CENPC: variants seen among roughly 807,000 people sequenced by gnomAD.
CENPC encodes the protein CENP-C 1.
In CENPC, 63 loss-of-function variants were observed where a neutral mutation model predicts 112.1. The ratio of observed to expected loss-of-function variants is 0.56; its 90% CI spans 0.46 to 0.69. The LOEUF (loss-of-function observed/expected upper bound fraction) is 0.69, where lower values mean the gene tolerates loss of function less well. CENPC is among the 30% of genes least tolerant of loss of function. The pLI is 0.00. For synonymous variants in CENPC, 333 were observed against 367.6 expected (o/e 0.91, Z 1.08); for missense variants, 1,000 against 1,103.8 (o/e 0.91, Z 1.33).
chr4:67,525,258 T>C (rs1424604884), intron 5 of CENPC, among the ~76,000 whole-genome samples: 1 of 152,160 alleles, frequency 6.6e-6, no homozygotes, highest in East Asian at 1.9e-4. Flanking sequence ...ATTCAGGACA[T>C]AAGCATGGGC....
chr4:67,518,781 C>T (rs1726133470), intron 6 of CENPC, among the ~76,000 whole-genome samples: 1 of 152,074 alleles, frequency 6.6e-6, no homozygotes, highest in Non-Finnish European at 1.5e-5. Flanking sequence ...TGCAAAAGAC[C>T]TTGAATCCAC....
intron 17 of CENPC, among the ~76,000 whole-genome samples, chr4:67,478,060 C>T (rs190255495): frequency 1.1e-4 from 16 of 151,312 alleles, no homozygotes; most frequent in Admixed American, 7.2e-4. Context: ...TTATGTTAAA[C>T]GACCACACAT....
chr4:67,489,433 A>G (rs1725180093), intron 17 of CENPC, among the ~76,000 whole-genome samples: 1 of 151,970 alleles, frequency 6.6e-6, no homozygotes, highest in Non-Finnish European at 1.5e-5. Context: ...GTCTATGTCT[A>G]AATAGTTAAG....
At chr4:67,499,881 T>C (rs1725544883) in intron 12 of CENPC, among the ~76,000 whole-genome samples, 1 of 152,114 alleles carries the variant, frequency 6.6e-6, no homozygotes, top group South Asian at 2.1e-4. Flanking sequence ...TTAGAAGCCA[T>C]CGTAGGGTTA....
intron 4 of CENPC, among the ~76,000 whole-genome samples, chr4:67,534,451 T>A (rs1439521303): frequency 6.6e-6 from 1 of 152,094 alleles, no homozygotes; most frequent in Non-Finnish European, 1.5e-5. Flanking sequence ...CCCAAACCTA[T>A]CAGAAGATTA....
chr4:67,492,140 T>C (rs760341683), intron 16 of CENPC, 40 bp downstream of exon 16: 2 of 1,284,546 alleles, frequency 1.6e-6, no homozygotes, highest in South Asian at 1.3e-5. Flanking sequence ...TTCTTACAAA[T>C]TGTTTAATTA....
chr4:67,530,314 T>A (rs146099401), intron 5 of CENPC, among the ~76,000 whole-genome samples: 1 of 152,072 alleles, frequency 6.6e-6, no homozygotes, highest in African/African-American at 2.4e-5. Flanking sequence ...GAACGTAGAA[T>A]AGTAAATAGA....
intron 5 of CENPC, among the ~76,000 whole-genome samples, chr4:67,523,928 T>G (rs1220092612): frequency 1.3e-5 from 2 of 151,964 alleles, no homozygotes; most frequent in Non-Finnish European, 2.9e-5. Context: ...AGTAAGAGCT[T>G]CTATTAGCCA....
chr4:67,538,545 T>C (rs762419590), intron 4 of CENPC, among the ~76,000 whole-genome samples: 34 of 152,102 alleles, frequency 2.2e-4, no homozygotes, highest in Non-Finnish European at 4.4e-4. Context: ...ACAGGGGAAA[T>C]CCTCAGTTGA....
chr4:67,535,393 G>A (rs879899063), intron 4 of CENPC, among the ~76,000 whole-genome samples: 2 of 151,710 alleles, frequency 1.3e-5, no homozygotes, highest in Non-Finnish European at 2.9e-5. Context: ...GTGATACAGA[G>A]AGAGTACATG....
chr4:67,540,796 A>T (rs1205018490), intron 3 of CENPC, among the ~76,000 whole-genome samples, 184 bp downstream of exon 3: 7 of 152,220 alleles, frequency 4.6e-5, no homozygotes, highest in Non-Finnish European at 1.0e-4. Flanking sequence ...ATTTTTTGTC[A>T]GTATTATCCT....
chr4:67,521,020 A>G (rs1726211875), intron 5 of CENPC, among the ~76,000 whole-genome samples: 1 of 116,128 alleles, frequency 8.6e-6, no homozygotes, highest in Non-Finnish European at 1.8e-5. Flanking sequence ...TCAAAAAATA[A>G]ACAAATAAAT....
At chr4:67,499,835 G>C (rs918387167) in intron 12 of CENPC, among the ~76,000 whole-genome samples, 2 of 152,112 alleles carry the variant, frequency 1.3e-5, no homozygotes, top group Non-Finnish European at 2.9e-5. Flanking sequence ...TTGATTTAAA[G>C]TGAAAAATGT....
Position 67,472,586 on chromosome 4 carries a change from T to C in CENPC, c.*19A>G, listed in dbSNP as rs777049477. The C allele has an allele frequency of 7.5e-6, 11 of 1,474,620 alleles. No homozygotes were observed. In the South Asian group the frequency reaches 1.6e-4, roughly 22 times the overall value. The allele number at this position is 1,474,620 out of a possible 1,614,324, so 91.3% of individuals were successfully genotyped here. ...ACATATACATATATACATACATATA[T>C]TTAAGGTTGGTTGATCTTTCATCTT... On this transcript the variant is annotated 3_prime_UTR_variant, in exon 19 of 19. Transcript: ENST00000273853.
intron 2 of CENPC, among the ~76,000 whole-genome samples, chr4:67,542,131 G>GC (rs1428711039): frequency 6.6e-6 from 1 of 152,174 alleles, no homozygotes; most frequent in East Asian, 1.9e-4. Context: ...AAATTGACAT[G>GC]CATCTCTAAC....
intron 9 of CENPC, 118 bp from the exon 10 acceptor site, chr4:67,509,223 C>T (rs1054312977): frequency 1.5e-4 from 82 of 551,090 alleles, no homozygotes; most frequent in Non-Finnish European, 2.5e-4. Context: ...CACACACACA[C>T]ACACACACAC....
At chr4:67,507,875 G>C (rs751010656) in intron 10 of CENPC, among the ~76,000 whole-genome samples, 8 of 152,118 alleles carry the variant, frequency 5.3e-5, no homozygotes, top group African/African-American at 1.9e-4. Flanking sequence ...GAAAAGCAGA[G>C]AATGGCCTGA....
At position 67,470,018 on chromosome 4, in the gene CENPC, A is replaced by G. The variant is rs369164986; in HGVS notation, c.*2587T>C. 1.5e-4 allele frequency: 23 copies of G among 152,238 alleles called. No homozygotes were observed. The highest frequency in any genetic ancestry group is 1.3e-3 in the East Asian group (7 of 5,194). 9.4% of individuals were successfully genotyped at this position (152,238 alleles called of 1,614,324 possible). A position where few individuals can be genotyped will look rare whatever the true frequency, so the allele number is the denominator to read the frequency against. On this transcript the variant is annotated 3_prime_UTR_variant, in exon 19 of 19. Coordinates refer to ENST00000273853, the MANE Select transcript of CENPC (RefSeq NM_001812.4). ...CTACTAAGCACTTGAAATGTGGCAA[A>G]TGCAAGTAAGAAACAATATTTTAAA...
chr4:67,489,919 C>CA lies in CENPC; in HGVS notation c.2670+47dup. 3 of 1,397,182 alleles carry CA rather than the reference C, an allele frequency of 2.1e-6. No homozygotes were observed. In the South Asian group the frequency reaches 4.7e-5, roughly 22 times the overall value. The allele number at this position is 1,397,182 out of a possible 1,614,324, so 86.5% of individuals were successfully genotyped here. Reference sequence around the variant, plus strand: ...TAATGTCTCATCAAATCCAATAAATCAGAGTTCTACCAAGAGTGAAACATA... The same window carrying CA: ...TAATGTCTCATCAAATCCAATAAATCAAGAGTTCTACCAAGAGTGAAACATA... On this transcript the variant is annotated intron_variant, in intron 17 of 18. Coordinates refer to ENST00000273853, the MANE Select transcript of CENPC (RefSeq NM_001812.4).
Sources: gnomAD v4.1 joint callset for allele counts (sites outside exome capture counted in the v4.1 genomes callset) on GRCh38, gnomAD v4.1.1 for gene constraint, MANE v1.5 for transcripts, NCBI Gene and HGNC (gene_info 2026-07-23, HGNC 2026-07-21) for gene names.